The following KLHL29 variants were observed in gnomAD, a reference collection of about 807,000 sequenced individuals.
KLHL29 encodes the protein kelch-like protein 29.
Under a neutral mutation model 80.4 loss-of-function variants are expected in KLHL29, and 21 were observed. The observed-to-expected ratio is 0.26, with a 90% CI of 0.19 to 0.38. The LOEUF (loss-of-function observed/expected upper bound fraction) is 0.38. KLHL29 is among the 10% of genes least tolerant of loss of function. The pLI is 1.00. For missense variants in KLHL29, 867 were observed against 1,223.9 expected (o/e 0.71, Z 4.35); for synonymous variants, 511 against 526.8 (o/e 0.97, Z 0.41).
chr2:23,642,447 G>A lies in KLHL29; in HGVS notation c.537G>A (p.Gln179=). The change falls in exon 5 of 14, where the codon CAG becomes CAA. Residue 179 remains glutamine (Q), a synonymous_variant. Transcript: ENST00000486442. The part of the protein sequence containing the change: ...PPTFSPAVNV[Q]APVIGVTPSL... ...CCTTCAGCCCGGCTGTGAACGTCCA[G>A]GCCCCGGTCATTGGGGTGACCCCCT... 1 of 1,505,630 alleles carries A rather than the reference G, an allele frequency of 6.6e-7. No homozygotes were observed. Among genetic ancestry groups the A allele is most frequent in the Admixed American group, 2.1e-5 (1 of 47,680 alleles). 93.3% of individuals were successfully genotyped at this position (1,505,630 alleles called of 1,614,324 possible).
intron 5 of KLHL29, among the ~76,000 whole-genome samples, chr2:23,648,985 T>C (rs1361177277): frequency 6.6e-6 from 1 of 152,226 alleles, no homozygotes; most frequent in Non-Finnish European, 1.5e-5. Context: ...GATTAAATAA[T>C]GTATGTAAAG....
At chr2:23,605,175 C>T (rs1418819531) in intron 3 of KLHL29, among the ~76,000 whole-genome samples, 2 of 147,644 alleles carry the variant, frequency 1.4e-5, no homozygotes, top group Admixed American at 6.8e-5. Flanking sequence ...GCAGTGGCAC[C>T]GTCTCAGCTC....
At chr2:23,439,173 T>C in intron 1 of KLHL29, among the ~76,000 whole-genome samples, 1 of 151,022 alleles carries the variant, frequency 6.6e-6, no homozygotes, top group Non-Finnish European at 1.5e-5. Context: ...TTATCATTTT[T>C]TATCGTGTCT....
intron 1 of KLHL29, among the ~76,000 whole-genome samples, chr2:23,406,622 T>C (rs373475198): frequency 1.3e-5 from 2 of 152,212 alleles, no homozygotes; most frequent in African/African-American, 4.8e-5. Flanking sequence ...TGGATAGTTC[T>C]TTTTATATCA....
At chr2:23,453,031 T>G (rs1273002405) in intron 1 of KLHL29, among the ~76,000 whole-genome samples, 4 of 152,006 alleles carry the variant, frequency 2.6e-5, no homozygotes, top group Non-Finnish European at 5.9e-5. Flanking sequence ...GGGTCTGGGT[T>G]TGCCTCCCCT....
intron 2 of KLHL29, among the ~76,000 whole-genome samples, chr2:23,487,498 C>T (rs895947029): frequency 3.9e-5 from 6 of 152,158 alleles, no homozygotes; most frequent in Non-Finnish European, 8.8e-5. Context: ...TTCTGGGAAC[C>T]CTGGCTGCAT....
At chr2:23,486,867 C>G (rs1664943798) in intron 2 of KLHL29, among the ~76,000 whole-genome samples, 1 of 152,220 alleles carries the variant, frequency 6.6e-6, no homozygotes, top group Admixed American at 6.5e-5. Context: ...CCCCTGAGCT[C>G]AGGCATGACT....
At chr2:23,498,655 T>C (rs1221826321) in intron 2 of KLHL29, among the ~76,000 whole-genome samples, 2 of 152,276 alleles carry the variant, frequency 1.3e-5, no homozygotes, top group Admixed American at 6.5e-5. Context: ...CACTGAGAAT[T>C]CTGCAGTAAT....
intron 2 of KLHL29, among the ~76,000 whole-genome samples, chr2:23,558,747 C>G (rs1013389251): frequency 2.0e-5 from 3 of 152,252 alleles, no homozygotes; most frequent in African/African-American, 7.2e-5. Flanking sequence ...GTGGAACTTC[C>G]AGTCAGGAGA....
chr2:23,547,425 T>G (rs1469624), intron 2 of KLHL29, among the ~76,000 whole-genome samples: 1 of 152,010 alleles, frequency 6.6e-6, no homozygotes, highest in East Asian at 1.9e-4. Flanking sequence ...TTTACTAGCT[T>G]TGTGGCCCCA....
intron 1 of KLHL29, among the ~76,000 whole-genome samples, chr2:23,410,476 C>T (rs1475802797): frequency 6.6e-6 from 1 of 152,088 alleles, no homozygotes; most frequent in Admixed American, 6.5e-5. Context: ...TTGTTTAGGA[C>T]TGGGTGTGAG....
rs75913746 is a variant in KLHL29, at chr2:23,649,887, G to A, written c.940+7037G>A. On this transcript the variant is annotated intron_variant, in intron 5 of 13. Transcript: ENST00000486442. ...CCAGCAGACACCGGCAGGGTAACCC[G>A]TGAGGTTCCAGGTCAGTGACACACG... 1.5e-3 allele frequency among the ~76,000 whole-genome samples: 233 copies of A among 152,336 alleles called. 8 individuals carry two copies. In the East Asian group the frequency reaches 0.041, roughly 27 times the overall value.
At chr2:23,637,424 A>G (rs1230354190) in intron 3 of KLHL29, among the ~76,000 whole-genome samples, 1 of 152,154 alleles carries the variant, frequency 6.6e-6, no homozygotes, top group Admixed American at 6.5e-5. Flanking sequence ...TGTCCCACAG[A>G]TAGAAATGGG....
rs1311233447 is a variant in KLHL29, at chr2:23,596,800, CATAA to C, written c.285+34328_285+34331del. 6.6e-6 allele frequency among the ~76,000 whole-genome samples: 1 copy of C among 152,174 alleles called. No homozygotes were observed. Among genetic ancestry groups the C allele is most frequent in the Non-Finnish European group, 1.5e-5 (1 of 68,030 alleles). On this transcript the variant is annotated intron_variant, in intron 3 of 13. Coordinates refer to ENST00000486442, the MANE Select transcript of KLHL29 (RefSeq NM_052920.2). This position sits in a 1 kb window ranked among gnomAD's most constrained non-coding sequence, Gnocchi z 4.4. ...TCAGAAACAGGTTCCCCCAGGAGGA[CATAA>C]ATAAATAAGGGATTCCTGGTACATA... is the stretch of plus-strand genomic sequence containing the variant.
At position 23,662,817 on chromosome 2, in the gene KLHL29, G is replaced by C. The variant is rs376338779; in HGVS notation, c.940+19967G>C. ...CCCAGGGAACCCCTAAATCTTCCTG[G>C]GCCCCGAGCCTGACTGCCTGGGGAA... On this transcript the variant is annotated intron_variant, in intron 5 of 13. Transcript: ENST00000486442. Among the ~76,000 whole-genome samples the C allele has an allele frequency of 3.3e-5, 5 of 152,306 alleles. No individual in the cohort carries two copies. The East Asian group carries it at 9.6e-4, about 29-fold the overall frequency.
At chr2:23,686,611 G>A (rs969739464) in intron 6 of KLHL29, among the ~76,000 whole-genome samples, 6 of 152,128 alleles carry the variant, frequency 3.9e-5, no homozygotes, top group African/African-American at 1.4e-4. Context: ...GGCATCAGAG[G>A]TCACAGGGAG....
intron 2 of KLHL29, among the ~76,000 whole-genome samples, chr2:23,510,509 A>G (rs996749654): frequency 6.6e-6 from 1 of 152,166 alleles, no homozygotes; most frequent in East Asian, 1.9e-4. Flanking sequence ...GGGTCTGTCC[A>G]TCCCTTAAAC....
At chr2:23,554,699 C>T (rs769152516) in intron 2 of KLHL29, among the ~76,000 whole-genome samples, 4 of 152,180 alleles carry the variant, frequency 2.6e-5, no homozygotes, top group African/African-American at 7.2e-5. Flanking sequence ...AGGCACTCTC[C>T]GGGCCCAGGG....
chr2:23,520,546 GGCCACTGCCCTGACCT>G (rs1327574405), intron 2 of KLHL29, among the ~76,000 whole-genome samples: 1 of 152,234 alleles, frequency 6.6e-6, no homozygotes, highest in African/African-American at 2.4e-5. Flanking sequence ...GCCAAGGTCA[GGCCACTGCCCTGACCT>G]CTGTTTCCTG....
Sources: gnomAD v4.1 joint callset for allele counts (sites outside exome capture counted in the v4.1 genomes callset) on GRCh38, gnomAD v4.1.1 for gene constraint, Gnocchi (gnomAD v3.1) non-coding constraint, MANE v1.5 for transcripts, NCBI Gene and HGNC (gene_info 2026-07-23, HGNC 2026-07-21) for gene names.